The following SUMF1 variants were observed in gnomAD, a reference collection of about 807,000 sequenced individuals.
The protein encoded by SUMF1 is formylglycine-generating enzyme.
SUMF1 carries 48 observed loss-of-function variants against 47.6 expected under a neutral mutation model. That is an observed-to-expected ratio of 1.01 (90% CI 0.80 to 1.28). The LOEUF (loss-of-function observed/expected upper bound fraction) is 1.28. SUMF1 is among the 50% of genes most tolerant of loss of function. SUMF1 has a pLI of 0.00. For synonymous variants in SUMF1, 230 were observed against 192.1 expected (o/e 1.20, Z -1.63); for missense variants, 571 against 485.4 (o/e 1.18, Z -1.66).
intron 8 of SUMF1, among the ~76,000 whole-genome samples, chr3:4,337,973 G>C (rs1236775999): frequency 6.6e-6 from 1 of 152,144 alleles, no homozygotes; most frequent in Non-Finnish European, 1.5e-5. Context: ...GCAGCTCAAA[G>C]ATTAATCCTT....
At chr3:4,213,199 C>G (rs532945633) in intron 8 of SUMF1, among the ~76,000 whole-genome samples, 1 of 152,298 alleles carries the variant, frequency 6.6e-6, no homozygotes, top group Admixed American at 6.5e-5. Flanking sequence ...GCCCATCAGA[C>G]TAACAGCAAA....
intron 7 of SUMF1, among the ~76,000 whole-genome samples, chr3:4,397,640 C>T (rs899662252): frequency 9.2e-5 from 14 of 152,190 alleles, no homozygotes; most frequent in African/African-American, 3.1e-4. Flanking sequence ...GTGCTAAGTG[C>T]CCAATTCTGT....
chr3:4,456,761 T>C (rs1471958235), intron 1 of SUMF1, among the ~76,000 whole-genome samples: 2 of 140,000 alleles, frequency 1.4e-5, no homozygotes, highest in African/African-American at 5.1e-5. Context: ...TACGTGTGTG[T>C]GTATATATAC....
intron 7 of SUMF1, among the ~76,000 whole-genome samples, chr3:4,403,535 A>G (rs1315589744): frequency 2.6e-5 from 4 of 152,140 alleles, no homozygotes; most frequent in African/African-American, 9.7e-5. Flanking sequence ...TTATCTAGAA[A>G]CAGAAAGATG....
chr3:4,420,151 A>G lies in SUMF1; in HGVS notation c.520-5T>C. 1 of 1,613,688 alleles carries G rather than the reference A, an allele frequency of 6.2e-7. No homozygotes were observed. The highest frequency in any genetic ancestry group is 8.5e-7 in the Non-Finnish European group (1 of 1,179,732). Reference sequence around the variant, plus strand: ...CCACCAGGGAGCAGCTGCAACCTCAAAGCAACCCAGAACAGGCTGATGTTA... The same window carrying G: ...CCACCAGGGAGCAGCTGCAACCTCAGAGCAACCCAGAACAGGCTGATGTTA... On this transcript the variant is annotated splice_polypyrimidine_tract_variant and splice_region_variant and intron_variant, in intron 3 of 8. Transcript: ENST00000272902.
At chr3:4,453,290 T>C (rs1419591793) in intron 1 of SUMF1, among the ~76,000 whole-genome samples, 1 of 152,174 alleles carries the variant, frequency 6.6e-6, no homozygotes, top group Non-Finnish European at 1.5e-5. Flanking sequence ...TACAAATCTG[T>C]ACCTGCACTG....
intron 9 of SUMF1, among the ~76,000 whole-genome samples, chr3:4,038,745 G>A (rs2125015749): frequency 6.6e-6 from 1 of 152,286 alleles, no homozygotes; most frequent in Non-Finnish European, 1.5e-5. Flanking sequence ...AACCACTGCT[G>A]TGGCAGTGGA....
At chr3:4,156,289 T>C (rs1694450191) in intron 8 of SUMF1, among the ~76,000 whole-genome samples, 1 of 151,508 alleles carries the variant, frequency 6.6e-6, no homozygotes, top group Non-Finnish European at 1.5e-5. Context: ...TAAACTGGAA[T>C]GAAAATTCTC....
At chr3:4,279,996 T>C (rs1193795010) in intron 8 of SUMF1, among the ~76,000 whole-genome samples, 1 of 152,108 alleles carries the variant, frequency 6.6e-6, no homozygotes, top group Admixed American at 6.6e-5. Context: ...TCAACTTTAG[T>C]AAAAACATAT....
At chr3:4,347,968 G>C (rs1416019281) in intron 8 of SUMF1, among the ~76,000 whole-genome samples, 1 of 152,086 alleles carries the variant, frequency 6.6e-6, no homozygotes, top group Non-Finnish European at 1.5e-5. Context: ...TAGGAATACA[G>C]CTAACAAGAG....
intron 8 of SUMF1, among the ~76,000 whole-genome samples, chr3:4,070,679 A>G (rs571541126): frequency 6.6e-6 from 1 of 152,016 alleles, no homozygotes; most frequent in East Asian, 1.9e-4. Context: ...TCTGCTGCCC[A>G]GGCTGGAGTG....
intron 8 of SUMF1, among the ~76,000 whole-genome samples, chr3:4,210,821 G>A (rs1199774163): frequency 2.6e-5 from 4 of 151,846 alleles, no homozygotes; most frequent in Non-Finnish European, 5.9e-5. Context: ...CATTTGTGTC[G>A]CTGGGCTGGG....
intron 8 of SUMF1, among the ~76,000 whole-genome samples, chr3:4,347,452 T>C (rs1199767192): frequency 6.6e-6 from 1 of 152,214 alleles, no homozygotes; most frequent in Non-Finnish European, 1.5e-5. Flanking sequence ...TCTCAATAGA[T>C]GCAGAAAAGG....
At chr3:4,194,521 A>G (rs189807010) in intron 8 of SUMF1, among the ~76,000 whole-genome samples, 1 of 152,310 alleles carries the variant, frequency 6.6e-6, no homozygotes, top group African/African-American at 2.4e-5. Context: ...ATGGGCCAAG[A>G]TAATATTTAC....
At chr3:4,459,371 GA>G (rs374689816) in intron 1 of SUMF1, among the ~76,000 whole-genome samples, 1,880 of 151,022 alleles carry the variant, frequency 0.012, 39 homozygotes, top group African/African-American at 0.037. Flanking sequence ...TTAGAAAGGG[GA>G]AAAAAAAGAA....
At chr3:4,183,939 G>T (rs137961642) in intron 8 of SUMF1, among the ~76,000 whole-genome samples, 47 of 152,076 alleles carry the variant, frequency 3.1e-4, no homozygotes, top group African/African-American at 1.0e-3. Flanking sequence ...GACCATCCTG[G>T]CCAACATGGT....
At chr3:4,363,554 G>A (rs993579991) in intron 8 of SUMF1, among the ~76,000 whole-genome samples, 6 of 151,734 alleles carry the variant, frequency 4.0e-5, no homozygotes, top group Admixed American at 2.0e-4. Context: ...GATTGCTTGT[G>A]ATTTTTGTAC....
At chr3:4,058,185 T>C (rs1030397314) in intron 9 of SUMF1, among the ~76,000 whole-genome samples, 2 of 152,106 alleles carry the variant, frequency 1.3e-5, no homozygotes, top group African/African-American at 4.8e-5. Context: ...AAGATTTGAA[T>C]CCAGGCAATA....
chr3:4,268,657 G>C (rs1411085242), intron 8 of SUMF1, among the ~76,000 whole-genome samples: 1 of 150,206 alleles, frequency 6.7e-6, no homozygotes, highest in Non-Finnish European at 1.5e-5. Context: ...TACTTCCCCT[G>C]TTTACATACA....
Sources: gnomAD v4.1 joint callset for allele counts (sites outside exome capture counted in the v4.1 genomes callset) on GRCh38, gnomAD v4.1.1 for gene constraint, MANE v1.5 for transcripts, NCBI Gene and HGNC (gene_info 2026-07-23, HGNC 2026-07-21) for gene names.